PALLD: variants seen among roughly 807,000 people sequenced by gnomAD.
PALLD encodes palladin, cytoskeletal associated protein.
A neutral mutation model predicts 123.5 loss-of-function variants in PALLD; 61 were observed. The observed-to-expected ratio is 0.49, with a 90% CI of 0.40 to 0.61. The LOEUF (loss-of-function observed/expected upper bound fraction) is 0.61, where lower values mean the gene tolerates loss of function less well. Among genes scored for constraint, PALLD ranks in the 20% least tolerant of loss-of-function variants. PALLD has a pLI of 0.00. For missense variants in PALLD, 1,273 were observed against 1,377.0 expected, an observed-to-expected ratio of 0.92 and a Z score of 1.20; for synonymous variants, 465 against 496.4, an observed-to-expected ratio of 0.94 and a Z score of 0.84.
At chr4:168,639,758 A>T (rs552788955) in intron 2 of PALLD, among the ~76,000 whole-genome samples, 24 of 151,872 alleles carry the variant, frequency 1.6e-4, no homozygotes, top group Non-Finnish European at 3.4e-4. Flanking sequence ...GTTAGCCAGG[A>T]TGGTCTCGAT....
intron 2 of PALLD, among the ~76,000 whole-genome samples, chr4:168,600,030 CATACATACATGTGTATACACACAT>C: frequency 6.9e-6 from 1 of 144,924 alleles, no homozygotes; most frequent in African/African-American, 2.6e-5. Flanking sequence ...TGTACACACA[CATACATACATGTGTATACACACAT>C]ATATACATAC....
intron 10 of PALLD, among the ~76,000 whole-genome samples, chr4:168,866,687 G>A (rs1750337705): frequency 6.6e-6 from 1 of 152,218 alleles, no homozygotes; most frequent in Non-Finnish European, 1.5e-5. Flanking sequence ...AATTCTGGAA[G>A]CAAATTTAAT....
At chr4:168,743,194 G>GA (rs775796469) in intron 10 of PALLD, among the ~76,000 whole-genome samples, 1 of 152,144 alleles carries the variant, frequency 6.6e-6, no homozygotes, top group Non-Finnish European at 1.5e-5. Context: ...CTGCCCTGGT[G>GA]TTTGGCACAT....
intron 2 of PALLD, among the ~76,000 whole-genome samples, chr4:168,627,208 G>A (rs1775382744): frequency 6.6e-6 from 1 of 152,120 alleles, no homozygotes; most frequent in African/African-American, 2.4e-5. Context: ...CACTAAACCA[G>A]GATAAAATAT....
intron 10 of PALLD, among the ~76,000 whole-genome samples, chr4:168,830,146 C>T (rs918476603): frequency 6.0e-5 from 9 of 150,040 alleles, no homozygotes; most frequent in African/African-American, 1.2e-4. Flanking sequence ...GCAGGAGAAT[C>T]GCTTGAACCC....
chr4:168,679,120 GT>G (rs1781207984), intron 3 of PALLD, among the ~76,000 whole-genome samples: 1 of 135,846 alleles, frequency 7.4e-6, no homozygotes, highest in Non-Finnish European at 1.6e-5. Flanking sequence ...GTGTGTGTGT[GT>G]GTGGTGGGGT....
At chr4:168,832,508 GC>G (rs1160972074) in intron 10 of PALLD, among the ~76,000 whole-genome samples, 3 of 152,130 alleles carry the variant, frequency 2.0e-5, no homozygotes, top group African/African-American at 7.2e-5. Flanking sequence ...CACCCCCACG[GC>G]CCCCCGCCCC....
chr4:168,626,413 A>AG (rs1775293490), intron 2 of PALLD, among the ~76,000 whole-genome samples: 2 of 151,036 alleles, frequency 1.3e-5, no homozygotes, highest in South Asian at 4.2e-4. Context: ...AAAAAAAAAA[A>AG]AAAAAAAAGG....
intron 2 of PALLD, among the ~76,000 whole-genome samples, chr4:168,619,828 A>C (rs2149793243): frequency 6.6e-6 from 1 of 152,290 alleles, no homozygotes; most frequent in Middle Eastern, 3.4e-3. Context: ...CCCCAAACCT[A>C]GTCTCCTGAA....
chr4:168,509,287 T>C (rs1357132639), intron 1 of PALLD, among the ~76,000 whole-genome samples: 1 of 152,228 alleles, frequency 6.6e-6, no homozygotes, highest in Non-Finnish European at 1.5e-5. Flanking sequence ...ACCAACTTCA[T>C]ATCAGCATGC....
rs183929824 is a variant in PALLD, at chr4:168,589,681, G to C, written c.908+77269G>C. On this transcript the variant is annotated intron_variant, in intron 2 of 21. Transcript: ENST00000505667. ...ATAGGAAAGAAAAGTTTGGGGAGTT[G>C]CTAAGCATGAGAGGCATTGTTGATA... is the stretch of plus-strand genomic sequence containing the variant. Among the ~76,000 whole-genome samples the C allele has an allele frequency of 3.9e-5, 6 of 152,336 alleles. No homozygotes were observed. The East Asian group carries it at 9.6e-4, about 24-fold the overall frequency.
intron 2 of PALLD, among the ~76,000 whole-genome samples, chr4:168,556,688 T>C (rs1444805051): frequency 6.6e-6 from 1 of 152,228 alleles, no homozygotes; most frequent in Non-Finnish European, 1.5e-5. Flanking sequence ...TCATTGTTAC[T>C]ATCAGTCTTA....
At chr4:168,883,821 G>C (rs904697954) in intron 10 of PALLD, among the ~76,000 whole-genome samples, 4 of 152,108 alleles carry the variant, frequency 2.6e-5, no homozygotes, top group African/African-American at 9.7e-5. Flanking sequence ...ATTTAGTGCA[G>C]GAGGCCTGTT....
At chr4:168,685,591 T>A in intron 6 of PALLD, 32 bp downstream of exon 6, 1 of 1,429,352 alleles carries the variant, frequency 7.0e-7, no homozygotes, top group East Asian at 2.3e-5. Flanking sequence ...TTCTCTGTGT[T>A]TGCTTTGGTC....
At chr4:168,842,695 C>T (rs1190677197) in intron 10 of PALLD, among the ~76,000 whole-genome samples, 2 of 152,288 alleles carry the variant, frequency 1.3e-5, no homozygotes, top group East Asian at 3.9e-4. Context: ...CTCAGCCTTG[C>T]TGTCCCTGTC....
At chr4:168,625,376 G>A (rs1488757879) in intron 2 of PALLD, among the ~76,000 whole-genome samples, 1 of 151,684 alleles carries the variant, frequency 6.6e-6, no homozygotes, top group African/African-American at 2.4e-5. Context: ...ATAGGCAAAT[G>A]GGGCTATATC....
chr4:168,502,614 G>A (rs1317080967), intron 1 of PALLD, among the ~76,000 whole-genome samples: 1 of 152,146 alleles, frequency 6.6e-6, no homozygotes, highest in Non-Finnish European at 1.5e-5. Flanking sequence ...GCAGAATAAT[G>A]TTTAGCTGCA....
chr4:168,648,173 A>G (rs971065963), intron 2 of PALLD: 1 of 152,018 alleles, frequency 6.6e-6, no homozygotes, highest in African/African-American at 2.4e-5. Context: ...CCCGGAAGCA[A>G]TTTTCTTCTG....
At chr4:168,804,124 A>C (rs1045095710) in intron 10 of PALLD, among the ~76,000 whole-genome samples, 2 of 152,242 alleles carry the variant, frequency 1.3e-5, no homozygotes, top group East Asian at 3.8e-4. Flanking sequence ...AGTACTGCCC[A>C]AAACAGCCCC....
Sources: allele counts gnomAD v4.1 joint callset (sites outside exome capture counted in the v4.1 genomes callset), GRCh38; gene constraint gnomAD v4.1.1; transcripts MANE v1.5; gene names NCBI Gene and HGNC (gene_info 2026-07-23, HGNC 2026-07-21).